KHDRBS3: variants seen among roughly 807,000 people sequenced by gnomAD.
The protein encoded by KHDRBS3 is KH domain-containing, RNA-binding, signal transduction-associated protein 3.
In KHDRBS3, 23 loss-of-function variants were observed where a neutral mutation model predicts 45.6. The observed-to-expected ratio is 0.50, with a 90% CI of 0.36 to 0.72. The LOEUF is 0.72. Among genes scored for constraint, KHDRBS3 ranks in the 30% least tolerant of loss-of-function variants. The pLI, the probability that KHDRBS3 is intolerant of heterozygous loss-of-function variation, is 0.00. For missense variants in KHDRBS3, 352 were observed against 424.8 expected, an observed-to-expected ratio of 0.83 and a Z score of 1.51; for synonymous variants, 162 against 156.5, an observed-to-expected ratio of 1.04 and a Z score of -0.26.
At chr8:135,470,641 A>G (rs1238618264) in intron 1 of KHDRBS3, among the ~76,000 whole-genome samples, 1 of 149,036 alleles carries the variant, frequency 6.7e-6, no homozygotes, top group Non-Finnish European at 1.5e-5. Context: ...GCTGGAGTGC[A>G]ATGATGTGAT....
At chr8:135,505,717 GT>G (rs924672984) in intron 1 of KHDRBS3, among the ~76,000 whole-genome samples, 1 of 152,116 alleles carries the variant, frequency 6.6e-6, no homozygotes, top group Non-Finnish European at 1.5e-5. Context: ...CCAAGACCCT[GT>G]TAGTATTGTT....
At chr8:135,471,056 G>C (rs980942204) in intron 1 of KHDRBS3, among the ~76,000 whole-genome samples, 1 of 152,146 alleles carries the variant, frequency 6.6e-6, no homozygotes, top group Non-Finnish European at 1.5e-5. Context: ...AAGTTTTCTT[G>C]TTTTCCTCCT....
chr8:135,525,251 T>C (rs1047093269), intron 2 of KHDRBS3, among the ~76,000 whole-genome samples: 1 of 152,200 alleles, frequency 6.6e-6, no homozygotes, highest in African/African-American at 2.4e-5. Flanking sequence ...TCTCAGTTCA[T>C]TTCTTTCCTT....
chr8:135,608,689 C>CA (rs1160839710), intron 7 of KHDRBS3, among the ~76,000 whole-genome samples: 2 of 152,156 alleles, frequency 1.3e-5, no homozygotes, highest in African/African-American at 4.8e-5. Flanking sequence ...AGTTATGTGT[C>CA]ATTTAACGAC....
intron 6 of KHDRBS3, among the ~76,000 whole-genome samples, chr8:135,583,500 T>A (rs56236311): frequency 0.018 from 2,808 of 152,316 alleles, 86 homozygotes; most frequent in African/African-American, 0.063. Context: ...CCAGTGTCTG[T>A]TCATTTCCAC....
intron 5 of KHDRBS3, among the ~76,000 whole-genome samples, chr8:135,573,209 G>A (rs1005805453): frequency 1.2e-4 from 19 of 152,292 alleles, no homozygotes; most frequent in African/African-American, 3.8e-4. Context: ...GCTGGAGCTC[G>A]CTTAAGCAGT....
At chr8:135,495,813 AGAAG>A (rs1265994757) in intron 1 of KHDRBS3, among the ~76,000 whole-genome samples, 1 of 152,110 alleles carries the variant, frequency 6.6e-6, no homozygotes, top group African/African-American at 2.4e-5. Flanking sequence ...TGAAGAGTGG[AGAAG>A]AGTTGTGTAG....
At chr8:135,532,434 C>T (rs1207552937) in intron 2 of KHDRBS3, among the ~76,000 whole-genome samples, 1 of 152,108 alleles carries the variant, frequency 6.6e-6, no homozygotes, top group East Asian at 1.9e-4. Context: ...TTTGTTCTCC[C>T]CAGTAAAGTA....
Position 135,631,246 on chromosome 8 carries a change from G to A in KHDRBS3, c.891-13813G>A, listed in dbSNP as rs1182122402. ...AGCCTGGGCAACAGAGCGAGACTCCGTCTCGGAAAAAAAAAAAAAAAAAAA... is the reference window on the plus strand; with the variant it reads ...AGCCTGGGCAACAGAGCGAGACTCCATCTCGGAAAAAAAAAAAAAAAAAAA... On this transcript the variant is annotated intron_variant, in intron 7 of 8. Transcript: ENST00000355849. Among the ~76,000 whole-genome samples the A allele has an allele frequency of 9.2e-5, 8 of 86,816 alleles. No homozygotes were observed. The East Asian group carries it at 1.3e-3, about 14-fold the overall frequency. The allele number at this position is 86,816 out of a possible 152,430, so 57.0% of individuals were successfully genotyped here.
At chr8:135,645,892 A>G (rs188525759) in intron 8 of KHDRBS3, among the ~76,000 whole-genome samples, 183 of 151,784 alleles carry the variant, frequency 1.2e-3, no homozygotes, top group African/African-American at 3.7e-3. Flanking sequence ...ATGTTAGGAC[A>G]TTTCTCTTAA....
At chr8:135,511,232 TCTC>T (rs1824268037) in intron 1 of KHDRBS3, among the ~76,000 whole-genome samples, 1 of 152,190 alleles carries the variant, frequency 6.6e-6, no homozygotes, top group South Asian at 2.1e-4. Context: ...TAAATAGTCA[TCTC>T]CTTTCTGTAA....
intron 1 of KHDRBS3, among the ~76,000 whole-genome samples, chr8:135,477,900 G>C (rs1026422597): frequency 1.5e-4 from 23 of 152,194 alleles, no homozygotes; most frequent in Non-Finnish European, 1.2e-4. Context: ...CTCAGTATCT[G>C]TCCATGGCTT....
chr8:135,548,670 T>G, intron 3 of KHDRBS3, 84 bp from the exon 4 acceptor site: 1 of 1,078,134 alleles, frequency 9.3e-7, no homozygotes, highest in Non-Finnish European at 1.2e-6. Context: ...ATTTTGGGGG[T>G]TAGTTTTTAT....
chr8:135,589,634 T>A (rs999629257), intron 6 of KHDRBS3, among the ~76,000 whole-genome samples: 1 of 152,236 alleles, frequency 6.6e-6, no homozygotes, highest in Non-Finnish European at 1.5e-5. Context: ...GTTAGCAGCA[T>A]CTTCCATGTC....
chr8:135,515,166 ACCATCCTGGCTAACACGGT>A (rs1824510170), intron 1 of KHDRBS3, among the ~76,000 whole-genome samples: 1 of 151,812 alleles, frequency 6.6e-6, no homozygotes, highest in Non-Finnish European at 1.5e-5. Context: ...GGAGATTGAG[ACCATCCTGGCTAACACGGT>A]GAAACGCCGT....
intron 1 of KHDRBS3, among the ~76,000 whole-genome samples, chr8:135,502,048 CTTG>C (rs1336700617): frequency 6.6e-6 from 1 of 152,140 alleles, no homozygotes; most frequent in Non-Finnish European, 1.5e-5. Flanking sequence ...TTCCTGACAT[CTTG>C]TTGAGATATT....
intron 7 of KHDRBS3, among the ~76,000 whole-genome samples, chr8:135,643,932 C>T (rs561434724): frequency 6.6e-6 from 1 of 152,212 alleles, no homozygotes; most frequent in Non-Finnish European, 1.5e-5. Context: ...CTGTGACTTC[C>T]TGAGGTGTTA....
chr8:135,587,706 G>A (rs1265186746), intron 6 of KHDRBS3, among the ~76,000 whole-genome samples: 1 of 152,096 alleles, frequency 6.6e-6, no homozygotes, highest in African/African-American at 2.4e-5. Context: ...TTAAAATGCT[G>A]GTGTAATTAC....
intron 2 of KHDRBS3, among the ~76,000 whole-genome samples, chr8:135,521,998 G>A (rs1332495732): frequency 3.3e-5 from 5 of 151,970 alleles, no homozygotes; most frequent in Admixed American, 6.6e-5. Context: ...TGTGCAGGAC[G>A]TGCAGGTTTG....
Sources: allele counts gnomAD v4.1 joint callset (sites outside exome capture counted in the v4.1 genomes callset), GRCh38; gene constraint gnomAD v4.1.1; transcripts MANE v1.5; gene names NCBI Gene and HGNC (gene_info 2026-07-23, HGNC 2026-07-21).